SDK2: variants seen among roughly 807,000 people sequenced by gnomAD.
SDK2 encodes protein sidekick-2.
Under a neutral mutation model 253.9 loss-of-function variants are expected in SDK2, and 105 were observed. The observed-to-expected ratio is 0.41, with a 90% CI of 0.35 to 0.49. SDK2 has a LOEUF of 0.49. SDK2 is among the 20% of genes least tolerant of loss of function. SDK2 has a pLI of 0.06. For missense variants in SDK2, 2,608 were observed against 3,003.0 expected (o/e 0.87, Z 3.07); for synonymous variants, 1,249 against 1,234.9 (o/e 1.01, Z -0.24).
In SDK2 at chr17:73,402,030, C is replaced by T; in HGVS notation, c.2596G>A (p.Glu866Lys). 1.2e-6 allele frequency: 2 copies of T among 1,613,956 alleles called. No homozygotes were observed. The highest frequency in any genetic ancestry group is 1.7e-6 in the Non-Finnish European group (2 of 1,179,856). ...GFVSGLKKFT[E>K]YFTSVLCFTT... ...AAACACAGCACTGAGGTGAAGTACT[C>T]GGTGAACTTCTTCAGGCCAGACACG... The change falls in exon 19 of 45, where the codon GAG (glutamate) becomes AAG (lysine). Residue 866 changes from glutamate (E) to lysine (K), a missense_variant. Glu to Lys is a moderately conservative substitution (Grantham distance 56). Transcript: ENST00000392650.
intron 2 of SDK2, among the ~76,000 whole-genome samples, chr17:73,498,361 G>A (rs1157367995): frequency 1.3e-5 from 2 of 152,182 alleles, no homozygotes; most frequent in African/African-American, 4.8e-5. Context: ...GTCCCCTGCT[G>A]TTGCTCCTCA....
Position 73,641,816 on chromosome 17 carries a change from G to A in SDK2, c.64+2209C>T, listed in dbSNP as rs552700430. 9.9e-5 allele frequency among the ~76,000 whole-genome samples: 15 copies of A among 152,132 alleles called. No homozygotes were observed. In the East Asian group the frequency reaches 2.9e-3, roughly 29 times the overall value. On this transcript the variant is annotated intron_variant, in intron 1 of 44. Coordinates refer to ENST00000392650, the MANE Select transcript of SDK2 (RefSeq NM_001144952.2). ...AAAAAACTCACTCTCTAACCCCAAAGCAGATAAGAAAGGACCTCATGCCCT... is the reference window on the plus strand; with the variant it reads ...AAAAAACTCACTCTCTAACCCCAAAACAGATAAGAAAGGACCTCATGCCCT...
rs1297259476 is a variant in SDK2, at chr17:73,483,705, ATATTT to A, written c.225-11492_225-11488del. On this transcript the variant is annotated intron_variant, in intron 2 of 44. Transcript: ENST00000392650. ...TATTTATATATATATATATATATAT[ATATTT>A]TTTTTTTTTTTTAGTAGAGTTGGGG... 2.2e-3 allele frequency among the ~76,000 whole-genome samples: 124 copies of A among 56,646 alleles called. 2 individuals carry two copies. Among genetic ancestry groups the A allele is most frequent in the African/African-American group, 0.01 (122 of 11,906 alleles). 37.2% of individuals were successfully genotyped at this position (56,646 alleles called of 152,430 possible). A position where few individuals can be genotyped will look rare whatever the true frequency, so the allele number is the denominator to read the frequency against.
Position 73,338,109 on chromosome 17 carries a change from C to T in SDK2, c.*478G>A, listed in dbSNP as rs941799082. The T allele has an allele frequency of 2.3e-5, 6 of 257,916 alleles. No individual in the cohort carries two copies. The highest frequency in any genetic ancestry group is 1.3e-4 in the East Asian group (1 of 7,950). The allele number at this position is 257,916 out of a possible 1,614,324, so 16.0% of individuals were successfully genotyped here. On this transcript the variant is annotated 3_prime_UTR_variant, in exon 45 of 45. Coordinates refer to ENST00000392650, the MANE Select transcript of SDK2 (RefSeq NM_001144952.2). This position sits in a 1 kb window ranked among gnomAD's most constrained non-coding sequence, Gnocchi z 5.0. ...AGGAGGAGCAGAGAGAGAAGATAGG[C>T]GTGGCCTCCGGGATGCCCATTCTTT...
chr17:73,363,724 T>C (rs770146242), intron 38 of SDK2, among the ~76,000 whole-genome samples: 1 of 151,962 alleles, frequency 6.6e-6, no homozygotes, highest in South Asian at 2.1e-4. Context: ...GACTGTGGAA[T>C]TGGAAGGCAA....
intron 1 of SDK2, among the ~76,000 whole-genome samples, chr17:73,580,379 G>GCCAAAATC (rs1336279737): frequency 2.6e-5 from 4 of 152,236 alleles, no homozygotes; most frequent in African/African-American, 4.8e-5. Flanking sequence ...CCACTCCCTG[G>GCCAAAATC]TGTTAGCACC....
chr17:73,371,681 C>G (rs2062735368), intron 36 of SDK2, among the ~76,000 whole-genome samples: 1 of 151,894 alleles, frequency 6.6e-6, no homozygotes, highest in African/African-American at 2.4e-5. Context: ...GAGGTCAGGC[C>G]AGGTGCGGTG....
intron 2 of SDK2, among the ~76,000 whole-genome samples, chr17:73,487,698 T>C (rs758278250): frequency 3.9e-5 from 6 of 152,212 alleles, no homozygotes; most frequent in Non-Finnish European, 1.5e-5. Flanking sequence ...TGTGATGAGA[T>C]GGAGCCACGG....
In SDK2 at chr17:73,336,159, G is replaced by C. The variant is rs1280835328; in HGVS notation, c.*2428C>G. On this transcript the variant is annotated 3_prime_UTR_variant, in exon 45 of 45. Coordinates refer to ENST00000392650, the MANE Select transcript of SDK2 (RefSeq NM_001144952.2). Reference sequence around the variant, plus strand: ...AATGGTTAAATGCTCAGCAGAGAGGGAAAGGGATGAAGTTATTTAAAAAAA... The same window carrying C: ...AATGGTTAAATGCTCAGCAGAGAGGCAAAGGGATGAAGTTATTTAAAAAAA... The C allele has an allele frequency of 1.3e-5, 2 of 148,806 alleles. No homozygotes were observed. The highest frequency in any genetic ancestry group is 6.7e-5 in the Admixed American group (1 of 14,918). The allele number at this position is 148,806 out of a possible 1,614,324, so 9.2% of individuals were successfully genotyped here.
chr17:73,539,818 G>T (rs1055055227), intron 1 of SDK2, among the ~76,000 whole-genome samples: 1 of 152,230 alleles, frequency 6.6e-6, no homozygotes, highest in Non-Finnish European at 1.5e-5. Context: ...GAGACACACG[G>T]GGGGAATGCC....
At chr17:73,589,243 C>G (rs1164019091) in intron 1 of SDK2, among the ~76,000 whole-genome samples, 1 of 152,282 alleles carries the variant, frequency 6.6e-6, no homozygotes, top group Non-Finnish European at 1.5e-5. Context: ...GATGAATGCA[C>G]GTGAGTGCAG....
intron 18 of SDK2, among the ~76,000 whole-genome samples, chr17:73,409,163 G>T (rs952605347): frequency 1.3e-4 from 20 of 152,104 alleles, no homozygotes; most frequent in African/African-American, 4.8e-4. Flanking sequence ...CTCTACTTGG[G>T]TGGATGTTTG....
intron 2 of SDK2, among the ~76,000 whole-genome samples, chr17:73,488,981 G>A (rs1055402713): frequency 2.0e-5 from 3 of 152,208 alleles, no homozygotes; most frequent in African/African-American, 7.2e-5. Context: ...TCGGTAAGCA[G>A]TCACGAAATG....
At chr17:73,475,419 T>G (rs2063679642) in intron 2 of SDK2, among the ~76,000 whole-genome samples, 2 of 152,178 alleles carry the variant, frequency 1.3e-5, no homozygotes, top group Non-Finnish European at 2.9e-5. Context: ...CCCAAACTGC[T>G]GGGATTACAG....
rs779759743 is a variant in SDK2, at chr17:73,388,015, C to T, written c.4215G>A (p.Arg1405=). The T allele has an allele frequency of 7.7e-5, 121 of 1,568,630 alleles. No individual in the cohort carries two copies. The highest frequency in any genetic ancestry group is 1.2e-5 in the Non-Finnish European group (14 of 1,157,752). The part of the protein sequence containing the change: ...EKRDRPQPPS[R]PMVQQEDVRA... ...TCACATCCTCCTGCTGCACCATCGG[C>T]CTGCTGGGGGGCTGCGGACGGTCTG... Residue 1405 remains arginine (R), a synonymous_variant, in exon 30 of 45, where the codon AGG becomes AGA. Coordinates refer to ENST00000392650, the MANE Select transcript of SDK2 (RefSeq NM_001144952.2).
chr17:73,640,227 T>G (rs775107458), intron 1 of SDK2, among the ~76,000 whole-genome samples: 3 of 143,550 alleles, frequency 2.1e-5, no homozygotes, highest in Non-Finnish European at 4.5e-5. Context: ...CGATAAATAT[T>G]TGCCGAACAA....
intron 44 of SDK2, among the ~76,000 whole-genome samples, chr17:73,341,045 G>GTAT (rs1488526158): frequency 7.6e-5 from 10 of 131,700 alleles, no homozygotes; most frequent in African/African-American, 2.8e-4. Flanking sequence ...CGGCTGGTCT[G>GTAT]TTTTTTTTTT....
intron 32 of SDK2, 120 bp downstream of exon 32, chr17:73,385,727 C>T (rs969801619): frequency 3.9e-5 from 34 of 873,408 alleles, no homozygotes; most frequent in Non-Finnish European, 5.8e-5. Flanking sequence ...GCTTCCCAGG[C>T]GCTCTGGGGG....
intron 44 of SDK2, among the ~76,000 whole-genome samples, chr17:73,339,271 G>C (rs2062412763): frequency 6.7e-6 from 1 of 149,230 alleles, no homozygotes. Flanking sequence ...GCTGTTGCCA[G>C]GCTGGAGTAC....
Sources: allele counts gnomAD v4.1 joint callset (sites outside exome capture counted in the v4.1 genomes callset), GRCh38; gene constraint gnomAD v4.1.1; non-coding constraint Gnocchi (gnomAD v3.1); transcripts MANE v1.5; gene names NCBI Gene and HGNC (gene_info 2026-07-23, HGNC 2026-07-21).